The following CADPS variants were observed in gnomAD, a reference collection of about 807,000 sequenced individuals.
The protein encoded by CADPS is calcium dependent secretion activator.
In CADPS, 57 loss-of-function variants were observed where a neutral mutation model predicts 167.3. The ratio of observed to expected loss-of-function variants is 0.34; its 90% CI spans 0.28 to 0.42. The LOEUF (loss-of-function observed/expected upper bound fraction) is 0.42. Among genes scored for constraint, CADPS ranks in the 20% least tolerant of loss-of-function variants. CADPS has a pLI of 1.00. For missense variants in CADPS, 1,414 were observed against 1,738.1 expected, an observed-to-expected ratio of 0.81 and a Z score of 3.32; for synonymous variants, 676 against 635.3, an observed-to-expected ratio of 1.06 and a Z score of -0.96.
chr3:62,799,732 A>G (rs1415162287), intron 1 of CADPS, among the ~76,000 whole-genome samples: 1 of 152,110 alleles, frequency 6.6e-6, no homozygotes, highest in Non-Finnish European at 1.5e-5. Context: ...GAATGAGATT[A>G]TGTATGCAAA....
chr3:62,445,797 C>T lies in CADPS; in HGVS notation c.3637G>A (p.Val1213Met). The T allele has an allele frequency of 1.3e-6, 2 of 1,512,084 alleles. No individual in the cohort carries two copies. Among genetic ancestry groups the T allele is most frequent in the Non-Finnish European group, 1.8e-6 (2 of 1,140,754 alleles). The allele number at this position is 1,512,084 out of a possible 1,614,324, so 93.7% of individuals were successfully genotyped here. A position where few individuals can be genotyped will look rare whatever the true frequency, so the allele number is the denominator to read the frequency against. Residue 1213 changes from valine (V) to methionine (M), a missense_variant and splice_region_variant, in exon 27 of 30, where the codon GTG becomes ATG. This residue lies in a region of CADPS where 185 missense variants were observed against 251.5 expected (regional missense o/e 0.74). Coordinates refer to ENST00000383710, the MANE Select transcript of CADPS (RefSeq NM_003716.4). ...TLFSSFLSFT[V>M]KAASKYVDVP... is the part of the protein sequence containing the mutation. ...TCCACATATTTGGAAGCTGCCTTCA[C>T]CTAAAGAGGAAAGAAGAGGATGGAA...
At position 62,660,484 on chromosome 3, in the gene CADPS, A is replaced by G. The variant is rs940223163; in HGVS notation, c.969+1830T>C. ...CATACTATTTTTAGCCACCAGGCTG[A>G]CTTGATTATAAACTTTAAAGGTGTC... On this transcript the variant is annotated intron_variant, in intron 4 of 29. Coordinates refer to ENST00000383710, the MANE Select transcript of CADPS (RefSeq NM_003716.4). Among the ~76,000 whole-genome samples, 5 of 152,234 alleles carry G rather than the reference A, an allele frequency of 3.3e-5. No individual in the cohort carries two copies. The South Asian group carries it at 1.0e-3, about 32-fold the overall frequency.
At chr3:62,513,352 C>T (rs971186139) in intron 16 of CADPS, among the ~76,000 whole-genome samples, 1 of 152,012 alleles carries the variant, frequency 6.6e-6, no homozygotes, top group African/African-American at 2.4e-5. Flanking sequence ...TAGGGTTACA[C>T]ACAAGCAAAG....
intron 6 of CADPS, among the ~76,000 whole-genome samples, chr3:62,593,601 C>A (rs1384232311): frequency 6.6e-6 from 1 of 152,204 alleles, no homozygotes; most frequent in African/African-American, 2.4e-5. Context: ...AATCTGGACC[C>A]CTACCTATGG....
chr3:62,810,360 C>T (rs1643410268), intron 1 of CADPS, among the ~76,000 whole-genome samples: 1 of 152,048 alleles, frequency 6.6e-6, no homozygotes, highest in Admixed American at 6.6e-5. Flanking sequence ...TTATAATGAG[C>T]ACTCAAAGCA....
At chr3:62,552,841 A>T (rs534091707) in intron 10 of CADPS, among the ~76,000 whole-genome samples, 130 of 152,330 alleles carry the variant, frequency 8.5e-4, no homozygotes, top group Non-Finnish European at 1.5e-3. Context: ...GGTGGTTTTT[A>T]TTATAAGGGA....
At chr3:62,733,879 T>C (rs867234630) in intron 3 of CADPS, among the ~76,000 whole-genome samples, 2 of 152,168 alleles carry the variant, frequency 1.3e-5, no homozygotes, top group East Asian at 1.9e-4. Context: ...AAGCTCATTA[T>C]ATCATTTTTA....
At chr3:62,501,606 C>G (rs1364642750) in intron 17 of CADPS, among the ~76,000 whole-genome samples, 1 of 152,166 alleles carries the variant, frequency 6.6e-6, no homozygotes, top group Non-Finnish European at 1.5e-5. Context: ...ACTTGGGGCA[C>G]ATCTTTGAAA....
chr3:62,639,982 G>C (rs1323910432), intron 6 of CADPS, among the ~76,000 whole-genome samples: 1 of 152,022 alleles, frequency 6.6e-6, no homozygotes, highest in Non-Finnish European at 1.5e-5. Context: ...ATTATAATCT[G>C]TTGTTACCCT....
chr3:62,484,892 G>A (rs1156506164), intron 21 of CADPS, among the ~76,000 whole-genome samples: 3 of 152,126 alleles, frequency 2.0e-5, no homozygotes, highest in Non-Finnish European at 4.4e-5. Flanking sequence ...CATATATGTA[G>A]CACATCTTGT....
chr3:62,676,851 C>T (rs1383720786), intron 3 of CADPS, among the ~76,000 whole-genome samples: 1 of 152,118 alleles, frequency 6.6e-6, no homozygotes, highest in Non-Finnish European at 1.5e-5. Flanking sequence ...TTAGAGTCAA[C>T]ACATGCAGCC....
chr3:62,408,445 C>G (rs541132650), intron 28 of CADPS, among the ~76,000 whole-genome samples: 1 of 152,284 alleles, frequency 6.6e-6, no homozygotes, highest in Admixed American at 6.5e-5. Context: ...TAGCCCTGCT[C>G]TTGGGTTCAC....
rs151247948 is a variant in CADPS, at chr3:62,763,698, C to A, written c.555+2173G>T. On this transcript the variant is annotated intron_variant, in intron 2 of 29. Coordinates refer to ENST00000383710, the MANE Select transcript of CADPS (RefSeq NM_003716.4). The stretch of plus-strand genomic sequence containing the variant: ...GGAGAGCTCCCAAGTAAAGTGTTAA[C>A]CCTGATCTCCTGATACAGAAACTTC... Among the ~76,000 whole-genome samples the A allele has an allele frequency of 3.6e-3, 550 of 152,238 alleles. 1 individual carries two copies. The highest frequency in any genetic ancestry group is 0.01 in the Middle Eastern group (3 of 292).
chr3:62,730,589 G>A (rs970503133), intron 3 of CADPS, among the ~76,000 whole-genome samples: 17 of 152,030 alleles, frequency 1.1e-4, no homozygotes, highest in African/African-American at 3.9e-4. Context: ...GCTAAGATGG[G>A]GCCAATAAAC....
At chr3:62,422,293 A>T (rs2051590139) in intron 28 of CADPS, among the ~76,000 whole-genome samples, 2 of 152,146 alleles carry the variant, frequency 1.3e-5, no homozygotes, top group African/African-American at 2.4e-5. Flanking sequence ...TGAGCCCCCA[A>T]CCTGAATGCC....
At chr3:62,688,209 C>T (rs2078446268) in intron 3 of CADPS, among the ~76,000 whole-genome samples, 1 of 150,238 alleles carries the variant, frequency 6.7e-6, no homozygotes, top group Non-Finnish European at 1.5e-5. Context: ...GGCCACTACC[C>T]AATGTAAACC....
chr3:62,835,845 G>A (rs1355636215), intron 1 of CADPS, among the ~76,000 whole-genome samples: 1 of 152,298 alleles, frequency 6.6e-6, no homozygotes, highest in South Asian at 2.1e-4. Context: ...AACTGAAACT[G>A]TTTACATTAA....
At chr3:62,691,688 C>T (rs1056079371) in intron 3 of CADPS, among the ~76,000 whole-genome samples, 3 of 151,948 alleles carry the variant, frequency 2.0e-5, no homozygotes, top group Non-Finnish European at 4.4e-5. Context: ...AACAGAAAAC[C>T]AAACATTGCA....
chr3:62,649,634 C>T (rs572779124), intron 5 of CADPS, among the ~76,000 whole-genome samples: 17 of 136,810 alleles, frequency 1.2e-4, no homozygotes, highest in Admixed American at 1.6e-4. Context: ...GATTATGGCT[C>T]ACTGCAGCCT....
Sources: gnomAD v4.1 joint callset for allele counts (sites outside exome capture counted in the v4.1 genomes callset) on GRCh38, gnomAD v4.1.1 for gene constraint, gnomAD v4.1.1 regional missense constraint, MANE v1.5 for transcripts, NCBI Gene and HGNC (gene_info 2026-07-23, HGNC 2026-07-21) for gene names.